IL36B: variants seen among roughly 807,000 people sequenced by gnomAD.
IL36B encodes the protein interleukin 36 beta, also known as interleukin-36 beta.
In IL36B, 23 loss-of-function variants were observed where a neutral mutation model predicts 19.3. That is an observed-to-expected ratio of 1.19 (90% CI 0.86 to 1.69). The LOEUF is 1.69. Among genes scored for constraint, IL36B ranks in the 40% most tolerant of loss-of-function variants. The probability of loss-of-function intolerance (pLI) is 0.00; values close to 1 mark genes in which losing one functional copy is unlikely to be tolerated. For synonymous variants in IL36B, 59 were observed against 59.7 expected (o/e 0.99, Z 0.05); for missense variants, 217 against 200.5 (o/e 1.08, Z -0.50).
chr2:113,034,124 A>C (rs1685126125), intron 1 of IL36B, among the ~76,000 whole-genome samples: 1 of 152,114 alleles, frequency 6.6e-6, no homozygotes, highest in African/African-American at 2.4e-5. Context: ...AAATAACCAA[A>C]GCCCTCACCA....
intron 5 of IL36B, among the ~76,000 whole-genome samples, chr2:113,023,129 G>A (rs996892279): frequency 2.0e-5 from 3 of 152,182 alleles, no homozygotes; most frequent in East Asian, 1.9e-4. Context: ...ATGTTTGAAC[G>A]TGGATGGCGA....
At chr2:113,033,455 T>C (rs1685115533) in intron 1 of IL36B, among the ~76,000 whole-genome samples, 1 of 152,168 alleles carries the variant, frequency 6.6e-6, no homozygotes, top group Admixed American at 6.5e-5. Context: ...CCCAGGCTGG[T>C]CTCAAACTCC....
At chr2:113,039,947 A>C (rs1262078153) in intron 1 of IL36B, among the ~76,000 whole-genome samples, 2 of 152,216 alleles carry the variant, frequency 1.3e-5, no homozygotes, top group East Asian at 1.9e-4. Context: ...CACTCGGGGA[A>C]AATCATCTGC....
intron 3 of IL36B, among the ~76,000 whole-genome samples, chr2:113,029,494 C>T (rs114007384): frequency 4.6e-5 from 7 of 151,972 alleles, no homozygotes; most frequent in South Asian, 2.1e-4. Flanking sequence ...ATGTTTTGCA[C>T]GTAGACCTAC....
Position 113,048,314 on chromosome 2 carries a change from C to T in IL36B, c.-58+4503G>A, listed in dbSNP as rs139431105. 7.6e-4 allele frequency among the ~76,000 whole-genome samples: 115 copies of T among 152,264 alleles called. 1 individual carries two copies. Among genetic ancestry groups the T allele is most frequent in the Non-Finnish European group, 1.1e-3 (78 of 68,028 alleles). On this transcript the variant is annotated intron_variant, in intron 1 of 5. Coordinates refer to ENST00000259213, the MANE Select transcript of IL36B (RefSeq NM_014438.5). Reference sequence around the variant, plus strand: ...ACAGTTAGCCAGGCATGGTGGCATGCACCTGTAATCCCAGCTACTCAGGTG... The same window carrying T: ...ACAGTTAGCCAGGCATGGTGGCATGTACCTGTAATCCCAGCTACTCAGGTG...
intron 1 of IL36B, among the ~76,000 whole-genome samples, chr2:113,044,750 GTTAT>G (rs764190807): frequency 1.3e-5 from 2 of 152,026 alleles, no homozygotes; most frequent in African/African-American, 2.4e-5. Flanking sequence ...CTACCATCGT[GTTAT>G]TTGTTTTCTA....
intron 1 of IL36B, among the ~76,000 whole-genome samples, chr2:113,047,882 C>G (rs1280484799): frequency 6.6e-6 from 1 of 151,268 alleles, no homozygotes; most frequent in Non-Finnish European, 1.5e-5. Flanking sequence ...ATTAATAAGT[C>G]AATAAAAGAG....
At chr2:113,044,484 G>A (rs1166954782) in intron 1 of IL36B, among the ~76,000 whole-genome samples, 1 of 152,006 alleles carries the variant, frequency 6.6e-6, no homozygotes, top group Admixed American at 6.6e-5. Flanking sequence ...GTAAAGACAA[G>A]GTCTCACTAT....
Position 113,039,015 on chromosome 2 carries a change from G to A in IL36B, c.-57-7249C>T, listed in dbSNP as rs899010961. Among the ~76,000 whole-genome samples the A allele has an allele frequency of 3.3e-5, 5 of 152,316 alleles. No individual in the cohort carries two copies. In the South Asian group the frequency reaches 6.2e-4, roughly 19 times the overall value. On this transcript the variant is annotated intron_variant, in intron 1 of 5. Transcript: ENST00000259213. ...CTCACCAGAGTGAAGGCAAGTCGTC[G>A]TGGGTTCTGTCCTTTAAGTTTAAGG...
intron 1 of IL36B, among the ~76,000 whole-genome samples, chr2:113,032,067 C>A (rs1246449064): frequency 1.3e-5 from 2 of 151,920 alleles, no homozygotes; most frequent in Non-Finnish European, 2.9e-5. Flanking sequence ...TCACCACGGG[C>A]ACCTTCTAGT....
At chr2:113,031,797 G>C (rs1685081713) in intron 1 of IL36B, 31 bp from the exon 2 acceptor site, 3 of 1,027,336 alleles carry the variant, frequency 2.9e-6, no homozygotes, top group Non-Finnish European at 4.5e-6. Context: ...GAGAGAAGGA[G>C]AGAAGAAACA....
In IL36B at chr2:113,028,951, AG is replaced by A; in HGVS notation, c.248del (p.Thr83IlefsTer13). Reference sequence around the variant, plus strand: ...CACAATCACTCACCTTAAGCTGCAAAGTAGGCTTGCCCTGAATTTCTGCACA... The same window carrying A: ...CACAATCACTCACCTTAAGCTGCAAATAGGCTTGCCCTGAATTTCTGCACA... On this transcript the variant is annotated frameshift_variant, in exon 4 of 6. Transcript: ENST00000259213. LOFTEE classifies it high-confidence loss of function. The A allele has an allele frequency of 6.2e-7, 1 of 1,614,086 alleles. No homozygotes were observed. Among genetic ancestry groups the A allele is most frequent in the East Asian group, 2.2e-5 (1 of 44,890 alleles).
At position 113,022,502 on chromosome 2, in the gene IL36B, C is replaced by A; in HGVS notation, c.*172G>T. On this transcript the variant is annotated 3_prime_UTR_variant, in exon 6 of 6. Transcript: ENST00000259213. ...CTAAAAAGACTCCGACCTTCTCTAG[C>A]TTTACAGGTAAGATTTACCAACTCT... The A allele has an allele frequency of 1.8e-6, 1 of 554,324 alleles. No homozygotes were observed. The allele number at this position is 554,324 out of a possible 1,614,324, so 34.3% of individuals were successfully genotyped here. A position where few individuals can be genotyped will look rare whatever the true frequency, so the allele number is the denominator to read the frequency against.
chr2:113,022,226 C>G lies in IL36B; in HGVS notation c.*448G>C, dbSNP rs1301977819. ...AACAGAGCGTTTCACTCCTCATGCT[C>G]TAGTGAATAATTGCACATTATGTAA... On this transcript the variant is annotated 3_prime_UTR_variant, in exon 6 of 6. Transcript: ENST00000259213. 6.5e-6 allele frequency: 1 copy of G among 153,740 alleles called. No individual in the cohort carries two copies. The highest frequency in any genetic ancestry group is 1.4e-5 in the Non-Finnish European group (1 of 69,162). 9.5% of individuals were successfully genotyped at this position (153,740 alleles called of 1,614,324 possible).
At chr2:113,041,716 G>A (rs1262330509) in intron 1 of IL36B, among the ~76,000 whole-genome samples, 2 of 152,112 alleles carry the variant, frequency 1.3e-5, no homozygotes, top group Non-Finnish European at 2.9e-5. Flanking sequence ...ATAAAGAACT[G>A]GTATAATTGA....
chr2:113,024,152 A>G (rs921061303), intron 5 of IL36B, among the ~76,000 whole-genome samples: 4 of 151,776 alleles, frequency 2.6e-5, no homozygotes, highest in Admixed American at 6.6e-5. Flanking sequence ...ACACGGGTAA[A>G]CTCCCTCTCT....
chr2:113,033,616 C>A (rs6758965), intron 1 of IL36B, among the ~76,000 whole-genome samples: 1 of 151,904 alleles, frequency 6.6e-6, no homozygotes, highest in African/African-American at 2.4e-5. Flanking sequence ...ACAGAATGTA[C>A]CCAAAGTCAT....
At chr2:113,041,308 C>A (rs373036252) in intron 1 of IL36B, among the ~76,000 whole-genome samples, 1 of 152,056 alleles carries the variant, frequency 6.6e-6, no homozygotes, top group Non-Finnish European at 1.5e-5. Context: ...ACAATCAAAT[C>A]GAATAGAAAG....
intron 5 of IL36B, among the ~76,000 whole-genome samples, chr2:113,025,293 G>A (rs1372855226): frequency 1.3e-5 from 2 of 152,202 alleles, no homozygotes; most frequent in African/African-American, 4.8e-5. Context: ...CATATTCTGT[G>A]AGAAGCTTTC....
Sources: allele counts gnomAD v4.1 joint callset (sites outside exome capture counted in the v4.1 genomes callset), GRCh38; gene constraint gnomAD v4.1.1; transcripts MANE v1.5; gene names NCBI Gene and HGNC (gene_info 2026-07-23, HGNC 2026-07-21).